Variants in KIAA0319 observed in about 807,000 individuals in gnomAD.
The protein encoded by KIAA0319 is KIAA0319.
KIAA0319 carries 83 observed loss-of-function variants against 108.4 expected under a neutral mutation model. The ratio of observed to expected loss-of-function variants is 0.77; its 90% CI spans 0.64 to 0.92. The LOEUF is 0.92. Ranked by LOEUF, KIAA0319 falls within the 40% of genes least tolerant of loss-of-function variation. The pLI, the probability that KIAA0319 is intolerant of heterozygous loss-of-function variation, is 0.00. For synonymous variants in KIAA0319, 484 were observed against 510.4 expected, an observed-to-expected ratio of 0.95 and a Z score of 0.70; for missense variants, 1,195 against 1,322.4, an observed-to-expected ratio of 0.90 and a Z score of 1.49.
chr6:24,576,297 A>G (rs1395514394), intron 10 of KIAA0319, 71 bp downstream of exon 10: 2 of 1,225,542 alleles, frequency 1.6e-6, no homozygotes, highest in African/African-American at 3.0e-5. Context: ...GCCTACCCCA[A>G]CCAATAGCAC....
chr6:24,582,226 A>G (rs1384297595), intron 6 of KIAA0319, 23 bp downstream of exon 6: 1 of 1,334,694 alleles, frequency 7.5e-7, no homozygotes, highest in East Asian at 2.3e-5. Context: ...GCTGTTAGAC[A>G]CAACCAGTCT....
At chr6:24,600,510 A>G (rs1582161415) in intron 2 of KIAA0319, 3 of 690,384 alleles carry the variant, frequency 4.3e-6, no homozygotes, top group Non-Finnish European at 7.8e-6. Flanking sequence ...CTGCATTTTA[A>G]CAAGGGTCTC....
chr6:24,560,901 G>T (rs1047469147), intron 16 of KIAA0319, among the ~76,000 whole-genome samples: 2 of 152,158 alleles, frequency 1.3e-5, no homozygotes, highest in Non-Finnish European at 2.9e-5. Context: ...ATATTTTGGT[G>T]GGGGGCAGGG....
chr6:24,557,742 G>A (rs901245416), intron 17 of KIAA0319, among the ~76,000 whole-genome samples: 1 of 152,004 alleles, frequency 6.6e-6, no homozygotes, highest in African/African-American at 2.4e-5. Flanking sequence ...TTAAAGGATT[G>A]GGGAACATAA....
chr6:24,642,237 GA>G (rs201046605), intron 1 of KIAA0319, among the ~76,000 whole-genome samples: 4,235 of 143,660 alleles, frequency 0.029, 69 homozygotes, highest in Non-Finnish European at 0.039. Context: ...GAAAGAGAAA[GA>G]AAAAAAGAAA....
rs988435666 is a variant in KIAA0319, at chr6:24,599,180, C to T, written c.55+1869G>A. 13 of 558,228 alleles carry T rather than the reference C, an allele frequency of 2.3e-5. No homozygotes were observed. The highest frequency in any genetic ancestry group is 9.1e-5 in the East Asian group (3 of 32,908). The allele number at this position is 558,228 out of a possible 1,614,324, so 34.6% of individuals were successfully genotyped here. A position where few individuals can be genotyped will look rare whatever the true frequency, so the allele number is the denominator to read the frequency against. ...AGGAGATCACCAACTGTAGCCAGGC[C>T]GGGGCTGACAGCCTGTACCAGGTCA... On this transcript the variant is annotated intron_variant, in intron 2 of 20. Transcript: ENST00000378214. The surrounding 1 kb of genome is among the most constrained non-coding windows in gnomAD (Gnocchi z 4.1).
intron 3 of KIAA0319, among the ~76,000 whole-genome samples, chr6:24,590,508 C>T (rs915239303): frequency 6.6e-6 from 1 of 152,072 alleles, no homozygotes; most frequent in Non-Finnish European, 1.5e-5. Flanking sequence ...AAGAATAGCA[C>T]GAAATTCAAA....
At chr6:24,554,090 G>A (rs1417207916) in intron 19 of KIAA0319, among the ~76,000 whole-genome samples, 1 of 152,206 alleles carries the variant, frequency 6.6e-6, no homozygotes, top group Non-Finnish European at 1.5e-5. Context: ...CAGTCTTGGG[G>A]ACTGAGTCCT....
At chr6:24,583,265 T>A in intron 5 of KIAA0319, 1 of 1,010,586 alleles carries the variant, frequency 9.9e-7, no homozygotes, top group Non-Finnish European at 1.2e-6. Flanking sequence ...TTCCCTCTCA[T>A]CCCGGTGGAA....
chr6:24,598,387 C>T, intron 2 of KIAA0319: 1 of 620,000 alleles, frequency 1.6e-6, no homozygotes, highest in Non-Finnish European at 3.1e-6. Context: ...GAACAAGGTG[C>T]TGGAGACCAA....
chr6:24,600,857 T>A, intron 2 of KIAA0319, 192 bp downstream of exon 2: 1 of 815,772 alleles, frequency 1.2e-6, no homozygotes, highest in East Asian at 2.7e-5. Flanking sequence ...ATAGTCATGA[T>A]AAAAATAAAC....
chr6:24,558,593 A>G (rs781719168), intron 17 of KIAA0319, among the ~76,000 whole-genome samples: 4 of 152,214 alleles, frequency 2.6e-5, no homozygotes, highest in Non-Finnish European at 5.9e-5. Context: ...GCATGGAGCT[A>G]AGAAAAGAGG....
rs761190759 is a variant in KIAA0319, at chr6:24,564,318, T to A, written c.2315A>T (p.His772Leu). 6.2e-7 allele frequency: 1 copy of A among 1,614,052 alleles called. No individual in the cohort carries two copies. The highest frequency in any genetic ancestry group is 8.5e-7 in the Non-Finnish European group (1 of 1,180,028). ...AAGDVIDGSD[H>L]SVALQLTNLV... is the part of the protein sequence containing the mutation. Reference sequence around the variant, plus strand: ...ATTCGTAAGCTGCAGAGCCACACTGTGGTCAGAGCCATCGATGACATCCTG... The same window carrying A: ...ATTCGTAAGCTGCAGAGCCACACTGAGGTCAGAGCCATCGATGACATCCTG... Residue 772 changes from histidine (H) to leucine (L), a missense_variant, in exon 15 of 21, where the codon CAC becomes CTC. By Grantham distance (99) the His-to-Leu change is moderately conservative. Transcript: ENST00000378214.
chr6:24,637,632 C>T (rs751080920), intron 1 of KIAA0319, among the ~76,000 whole-genome samples: 14 of 152,046 alleles, frequency 9.2e-5, no homozygotes, highest in South Asian at 4.1e-4. Flanking sequence ...AGTTTATATT[C>T]GTAATGTTTT....
At chr6:24,602,382 G>A (rs1457194411) in intron 1 of KIAA0319, among the ~76,000 whole-genome samples, 1 of 146,214 alleles carries the variant, frequency 6.8e-6, no homozygotes, top group Non-Finnish European at 1.5e-5. Context: ...TCCTACAGTT[G>A]CAGATGGCCA....
chr6:24,609,273 CAAAAAA>C (rs886616830), intron 1 of KIAA0319, among the ~76,000 whole-genome samples: 11 of 74,838 alleles, frequency 1.5e-4, no homozygotes, highest in African/African-American at 2.3e-4. Context: ...GTCTCAAAAA[CAAAAAA>C]AAAAAAAAAA....
At chr6:24,572,813 G>A in intron 10 of KIAA0319, 115 bp from the exon 11 acceptor site, 1 of 1,067,976 alleles carries the variant, frequency 9.4e-7, no homozygotes, top group South Asian at 1.8e-5. Context: ...CAGAGATCTT[G>A]CTCAAAAAAG....
At chr6:24,620,616 T>C (rs2127569554) in intron 1 of KIAA0319, among the ~76,000 whole-genome samples, 1 of 152,338 alleles carries the variant, frequency 6.6e-6, no homozygotes, top group East Asian at 1.9e-4. Context: ...CTTGTGTTTT[T>C]GCTTTTTTTC....
intron 19 of KIAA0319, among the ~76,000 whole-genome samples, chr6:24,553,849 G>C (rs543677187): frequency 1.3e-5 from 2 of 152,332 alleles, no homozygotes; most frequent in East Asian, 3.9e-4. Flanking sequence ...CCCAGAGAGG[G>C]CATGGAAGCT....
Sources: gnomAD v4.1 joint callset for allele counts (sites outside exome capture counted in the v4.1 genomes callset) on GRCh38, gnomAD v4.1.1 for gene constraint, Gnocchi (gnomAD v3.1) non-coding constraint, MANE v1.5 for transcripts, NCBI Gene and HGNC (gene_info 2026-07-23, HGNC 2026-07-21) for gene names.